PHRF1: variants seen among roughly 807,000 people sequenced by gnomAD.
PHRF1 encodes PHD and ring finger domains 1.
In PHRF1, 53 loss-of-function variants were observed where a neutral mutation model predicts 128.9. The observed-to-expected ratio is 0.41, with a 90% CI of 0.33 to 0.52. The LOEUF is 0.52. Ranked by LOEUF, PHRF1 falls within the 20% of genes least tolerant of loss-of-function variation. PHRF1 has a pLI of 0.21. For missense variants in PHRF1, 2,503 were observed against 2,284.5 expected (o/e 1.10, Z -1.95); for synonymous variants, 1,178 against 980.6 (o/e 1.20, Z -3.76).
chr11:584,737 T>G (rs1054043876), intron 3 of PHRF1, among the ~76,000 whole-genome samples: 2 of 145,386 alleles, frequency 1.4e-5, no homozygotes, highest in African/African-American at 2.5e-5. Context: ...ACCTTTTTTT[T>G]TTTTTTTTTT....
rs536999722 is a variant in PHRF1 at position 581,578 on chromosome 11, C to T, written c.66C>T (p.Val22=). 1.9e-5 allele frequency: 31 copies of T among 1,613,274 alleles called. No homozygotes were observed. The South Asian group carries it at 2.1e-4, about 11-fold the overall frequency. ...RSPGPDGHPQ[V]GPADPAGDFE... is the part of the protein sequence containing the mutation. ...CAGGGCCGGATGGACACCCACAGGT[C>T]GGCCCTGCGGACCCGGCAGGTGACT... The change falls in exon 2 of 18, where the codon GTC becomes GTT. Residue 22 remains valine (V), a synonymous_variant. Transcript: ENST00000264555.
At chr11:580,931 C>T (rs979120888) in intron 1 of PHRF1, among the ~76,000 whole-genome samples, 14 of 152,222 alleles carry the variant, frequency 9.2e-5, no homozygotes, top group South Asian at 2.1e-4. Context: ...TCAGGTGATC[C>T]GCCTGCCTCG....
chr11:604,951 G>A (rs564234022), intron 10 of PHRF1, among the ~76,000 whole-genome samples, 168 bp from the exon 11 acceptor site: 2 of 152,338 alleles, frequency 1.3e-5, no homozygotes, highest in East Asian at 3.9e-4. Flanking sequence ...GTGCGGCATT[G>A]TTCCTGCTTG....
rs374773654 is a variant in PHRF1 at position 609,239 on chromosome 11, T to C, written c.3783T>C (p.Tyr1261=). Residue 1261 remains tyrosine (Y), a synonymous_variant, in exon 14 of 18, where the codon TAT becomes TAC. Coordinates refer to ENST00000264555, the MANE Select transcript of PHRF1 (RefSeq NM_001286581.2). ...ECEPDDLDLD[Y]GDSVEAGHVF... is the part of the protein sequence containing the mutation. ...AGCCGGACGACCTGGACCTGGATTATGGCGACTCCGTGGAGGCCGGACACG... is the reference window on the plus strand; with the variant it reads ...AGCCGGACGACCTGGACCTGGATTACGGCGACTCCGTGGAGGCCGGACACG... 1.2e-4 allele frequency: 198 copies of C among 1,611,168 alleles called. 1 individual carries two copies. The highest frequency in any genetic ancestry group is 1.6e-4 in the Non-Finnish European group (188 of 1,179,886).
In PHRF1 at chr11:609,263, C is replaced by G; in HGVS notation, c.3807C>G (p.His1269Gln). 1 of 1,612,128 alleles carries G rather than the reference C, an allele frequency of 6.2e-7. No homozygotes were observed. The highest frequency in any genetic ancestry group is 1.6e-4 in the Middle Eastern group (1 of 6,062). Residue 1269 changes from histidine to glutamine, a missense_variant, in exon 14 of 18, where the codon CAC becomes CAG. By Grantham distance (24) the His-to-Gln change is conservative. Transcript: ENST00000264555. ...LDYGDSVEAG[H>Q]VFDDFSSDAV... ...ATGGCGACTCCGTGGAGGCCGGACA[C>G]GTCTTTGATGATTTCTCAAGCGACG...
At chr11:594,311 A>G (rs558615918) in intron 6 of PHRF1, among the ~76,000 whole-genome samples, 61 of 152,238 alleles carry the variant, frequency 4.0e-4, no homozygotes, top group Non-Finnish European at 6.5e-4. Context: ...CGTCTTGGGC[A>G]AGGCCCTCAT....
chr11:605,656 G>C lies in PHRF1; in HGVS notation c.1386G>C (p.Arg462=), dbSNP rs766175476. ...TTTCCCCTCTGAGTGCCAAGAGACGGGCTCTGTCCCGGTCAGCCCTGCAGT... is the reference window on the plus strand; with the variant it reads ...TTTCCCCTCTGAGTGCCAAGAGACGCGCTCTGTCCCGGTCAGCCCTGCAGT... ...NPLSPLSAKR[R]ALSRSALQSH... The change falls in exon 12 of 18, where the codon CGG becomes CGC. Residue 462 remains arginine, a synonymous_variant. Coordinates refer to ENST00000264555, the MANE Select transcript of PHRF1 (RefSeq NM_001286581.2). The C allele has an allele frequency of 6.9e-5, 112 of 1,613,548 alleles. No individual in the cohort carries two copies. Among genetic ancestry groups the C allele is most frequent in the Non-Finnish European group, 9.4e-5 (111 of 1,179,886 alleles).
intron 17 of PHRF1, 112 bp from the exon 18 acceptor site, chr11:611,522 C>G: frequency 6.1e-6 from 9 of 1,479,968 alleles, no homozygotes; most frequent in Non-Finnish European, 7.3e-6. Flanking sequence ...CGTGCTGCAC[C>G]TAGGGCCTGC....
In PHRF1 at chr11:601,588, G is replaced by A; in HGVS notation, c.1039G>A (p.Val347Met). Residue 347 changes from valine to methionine, a missense_variant, in exon 10 of 18, where the codon GTG becomes ATG. Coordinates refer to ENST00000264555, the MANE Select transcript of PHRF1 (RefSeq NM_001286581.2). ...RKRKTRRRKK[V>M]PGRKKTPSGP... ...CTTTTCCTTAGGAAGACGGAAGAAA[G>A]TGCCGGGAAGAAAGAAAACCCCGTC... is the stretch of plus-strand genomic sequence containing the variant. 1 of 1,613,766 alleles carries A rather than the reference G, an allele frequency of 6.2e-7. No homozygotes were observed. The highest frequency in any genetic ancestry group is 8.5e-7 in the Non-Finnish European group (1 of 1,179,890).
intron 1 of PHRF1, 56 bp from the exon 2 acceptor site, chr11:581,436 A>G (rs987662856): frequency 1.3e-6 from 2 of 1,506,184 alleles, no homozygotes; most frequent in African/African-American, 2.8e-5. Context: ...AACTCTTCAG[A>G]GGGTTCTTTG....
chr11:582,140 C>A (rs1176515373), intron 3 of PHRF1, 59 bp downstream of exon 3: 2 of 1,547,990 alleles, frequency 1.3e-6, no homozygotes, highest in Non-Finnish European at 1.7e-6. Context: ...ATGGGGACAG[C>A]CTTTTATAAC....
chr11:581,948 A>T lies in PHRF1; in HGVS notation c.95-14A>T. 6.3e-7 allele frequency: 1 copy of T among 1,581,670 alleles called. No individual in the cohort carries two copies. The highest frequency in any genetic ancestry group is 8.6e-7 in the Non-Finnish European group (1 of 1,165,080). On this transcript the variant is annotated splice_polypyrimidine_tract_variant and intron_variant, in intron 2 of 17. Transcript: ENST00000264555. ...GACGCCGCCCTGCGGCCTGTGTCTC[A>T]CCCTGGTGTCTAGAAGAAAGCAGCG...
In PHRF1 at chr11:610,485, G is replaced by C. The variant is rs770520951; in HGVS notation, c.4417-16G>C. On this transcript the variant is annotated splice_polypyrimidine_tract_variant and intron_variant, in intron 15 of 17. Coordinates refer to ENST00000264555, the MANE Select transcript of PHRF1 (RefSeq NM_001286581.2). ...TAGCTGTAGGGCCCAGTGCTCAGCAGGGGTGTCCCTCCCAGGTTTACAGCC... is the reference window on the plus strand; with the variant it reads ...TAGCTGTAGGGCCCAGTGCTCAGCACGGGTGTCCCTCCCAGGTTTACAGCC... 1.2e-5 allele frequency: 19 copies of C among 1,599,008 alleles called. No homozygotes were observed. The highest frequency in any genetic ancestry group is 1.5e-5 in the Non-Finnish European group (18 of 1,174,884).
intron 10 of PHRF1, among the ~76,000 whole-genome samples, chr11:604,642 G>A (rs1855837869): frequency 6.6e-6 from 1 of 152,158 alleles, no homozygotes; most frequent in Non-Finnish European, 1.5e-5. Context: ...AGCCTCCTGA[G>A]TAGCTGGGAT....
At chr11:581,303 A>G (rs1589855999) in intron 1 of PHRF1, among the ~76,000 whole-genome samples, 189 bp from the exon 2 acceptor site, 1 of 151,100 alleles carries the variant, frequency 6.6e-6, no homozygotes, top group East Asian at 1.9e-4. Context: ...ACACTGGGAC[A>G]CTGGGGTGTG....
rs372317511 is a variant in PHRF1 at position 596,971 on chromosome 11, C to T, written c.669C>T (p.Asp223=). Residue 223 remains aspartate (D), a synonymous_variant, in exon 7 of 18, where the codon GAC becomes GAT. Transcript: ENST00000264555. ...CCCCTCTCCAGGAGGTGCCGGTGGA[C>T]GAGTGGTTCTGCCCGGAATGTGCTG... ...LDPPLQEVPV[D]EWFCPECAAP... The T allele has an allele frequency of 5.6e-5, 90 of 1,613,738 alleles. No individual in the cohort carries two copies. Among genetic ancestry groups the T allele is most frequent in the Admixed American group, 6.7e-5 (4 of 59,988 alleles).
Position 608,222 on chromosome 11 carries a change from C to T in PHRF1, c.2766C>T (p.Pro922=), listed in dbSNP as rs761803416. 4 of 1,609,550 alleles carry T rather than the reference C, an allele frequency of 2.5e-6. No homozygotes were observed. Among genetic ancestry groups the T allele is most frequent in the Non-Finnish European group, 3.4e-6 (4 of 1,179,808 alleles). Residue 922 remains proline (P), a synonymous_variant, in exon 14 of 18, where the codon CCC becomes CCT. Transcript: ENST00000264555. ...CCTCTGACACGGAGCGAGAGGAGCC[C>T]ACAGAGAGCCAGGGCCTGGCTGCCC... is the stretch of plus-strand genomic sequence containing the variant. ...EGASDTEREE[P]TESQGLAARL... is the part of the protein sequence containing the mutation.
intron 6 of PHRF1, among the ~76,000 whole-genome samples, chr11:593,585 C>T (rs925733318): frequency 6.6e-6 from 1 of 152,244 alleles, no homozygotes; most frequent in African/African-American, 2.4e-5. Flanking sequence ...GCCTCTGCTC[C>T]ACTCACGCTG....
chr11:597,616 A>ACC lies in PHRF1; in HGVS notation c.894+46_894+47insCC. The stretch of plus-strand genomic sequence containing the variant: ...GCCAGTCGTAGAACCCCAGCTGCCC[A>ACC]GAGTGATCTCGGCAGTCTGGGTGGG... On this transcript the variant is annotated intron_variant, in intron 8 of 17. Coordinates refer to ENST00000264555, the MANE Select transcript of PHRF1 (RefSeq NM_001286581.2). The surrounding 1 kb of genome is among the most constrained non-coding windows in gnomAD (Gnocchi z 6.5). The ACC allele has an allele frequency of 2.0e-6, 3 of 1,527,706 alleles. No homozygotes were observed. The highest frequency in any genetic ancestry group is 1.9e-5 in the Admixed American group (1 of 53,458). 94.6% of individuals were successfully genotyped at this position (1,527,706 alleles called of 1,614,324 possible).
Sources: gnomAD v4.1 joint callset for allele counts (sites outside exome capture counted in the v4.1 genomes callset) on GRCh38, gnomAD v4.1.1 for gene constraint, Gnocchi (gnomAD v3.1) non-coding constraint, MANE v1.5 for transcripts, NCBI Gene and HGNC (gene_info 2026-07-23, HGNC 2026-07-21) for gene names.